Variants in FOXN3 observed in about 807,000 individuals in gnomAD.
The protein encoded by FOXN3 is forkhead box protein N3.
A neutral mutation model predicts 38.4 loss-of-function variants in FOXN3; 7 were observed. The observed-to-expected ratio is 0.18, with a 90% CI of 0.10 to 0.34. The LOEUF (loss-of-function observed/expected upper bound fraction) is 0.34, where lower values mean the gene tolerates loss of function less well. Ranked by LOEUF, FOXN3 falls within the 10% of genes least tolerant of loss-of-function variation. FOXN3 has a pLI of 1.00. For missense variants in FOXN3, 456 were observed against 613.4 expected, an observed-to-expected ratio of 0.74 and a Z score of 2.71; for synonymous variants, 230 against 242.2, an observed-to-expected ratio of 0.95 and a Z score of 0.47.
chr14:89,551,559 T>G (rs1412939512), intron 1 of FOXN3, among the ~76,000 whole-genome samples: 4 of 152,020 alleles, frequency 2.6e-5, no homozygotes, highest in Non-Finnish European at 5.9e-5. Flanking sequence ...TCTTTTCCCA[T>G]GAGAAGCCAG....
chr14:89,203,085 T>TGG (rs144245617), intron 4 of FOXN3, among the ~76,000 whole-genome samples: 1 of 29,116 alleles, frequency 3.4e-5, no homozygotes, highest in African/African-American at 1.4e-4. Context: ...CCAGGGAATG[T>TGG]GGGGGGGGTG....
At chr14:89,421,846 G>A (rs141969497), upstream of FOXN3, among the ~76,000 whole-genome samples, 521 of 151,114 alleles carry the variant, frequency 3.4e-3, 4 homozygotes, top group African/African-American at 0.012. Flanking sequence ...TTTTCAAATG[G>A]TCTACAATAA....
intron 3 of FOXN3, among the ~76,000 whole-genome samples, chr14:89,299,454 C>T (rs982774346): frequency 1.3e-5 from 2 of 152,192 alleles, no homozygotes; most frequent in Non-Finnish European, 2.9e-5. Context: ...AGCATGAGAA[C>T]AGACTAATTC....
At chr14:89,381,249 G>A (rs10484022) in intron 2 of FOXN3, among the ~76,000 whole-genome samples, 63,655 of 150,894 alleles carry the variant, frequency 0.42, 14,710 homozygotes, top group Admixed American at 0.56. Flanking sequence ...GTCATCTTCA[G>A]ATATTATTGA....
chr14:89,579,348 G>A (rs754023310), intron 1 of FOXN3, among the ~76,000 whole-genome samples: 19 of 150,092 alleles, frequency 1.3e-4, no homozygotes, highest in Non-Finnish European at 1.2e-4. Flanking sequence ...TAGAGACGGG[G>A]TCTCACTATG....
chr14:89,422,382 C>A (rs1030186768), intron 1 of FOXN3, among the ~76,000 whole-genome samples: 3 of 152,074 alleles, frequency 2.0e-5, no homozygotes, highest in Admixed American at 2.0e-4. Context: ...GTCTGTGGAC[C>A]CACTTCAAGA....
intron 4 of FOXN3, among the ~76,000 whole-genome samples, chr14:89,240,208 C>A (rs763496470): frequency 2.0e-5 from 3 of 151,970 alleles, no homozygotes; most frequent in Admixed American, 6.5e-5. Flanking sequence ...TCACTTTCCC[C>A]AGAACTGACC....
intron 2 of FOXN3, among the ~76,000 whole-genome samples, chr14:89,406,576 AG>A (rs2140092586): frequency 6.6e-6 from 1 of 152,346 alleles, no homozygotes; most frequent in East Asian, 1.9e-4. Context: ...AGAAAATAAT[AG>A]GGCCTACTTC....
chr14:89,314,990 C>G (rs2139964561), intron 3 of FOXN3, among the ~76,000 whole-genome samples: 1 of 152,156 alleles, frequency 6.6e-6, no homozygotes, highest in East Asian at 1.9e-4. Flanking sequence ...TAAAGGTCAC[C>G]TCCCCAGTAA....
At chr14:89,306,006 G>T (rs909880766) in intron 3 of FOXN3, among the ~76,000 whole-genome samples, 4 of 152,172 alleles carry the variant, frequency 2.6e-5, no homozygotes, top group African/African-American at 9.7e-5. Flanking sequence ...ATATATATTT[G>T]CAAAGAAATT....
chr14:89,280,451 C>T (rs192227653), intron 4 of FOXN3, among the ~76,000 whole-genome samples: 41 of 152,168 alleles, frequency 2.7e-4, no homozygotes, highest in African/African-American at 7.7e-4. Flanking sequence ...GACTGGACTC[C>T]GAACCTCAGA....
intron 4 of FOXN3, among the ~76,000 whole-genome samples, chr14:89,250,137 G>T (rs1279214666): frequency 2.0e-5 from 3 of 152,216 alleles, no homozygotes; most frequent in Non-Finnish European, 4.4e-5. Flanking sequence ...TTCAGACAGG[G>T]TCTTGCTCTG....
At chr14:89,328,803 C>A (rs1271515690) in intron 3 of FOXN3, among the ~76,000 whole-genome samples, 1 of 152,198 alleles carries the variant, frequency 6.6e-6, no homozygotes, top group African/African-American at 2.4e-5. Flanking sequence ...ATAACTGACA[C>A]CACGACAAGG....
chr14:89,218,755 T>C (rs1596110273), intron 4 of FOXN3, among the ~76,000 whole-genome samples: 1 of 152,238 alleles, frequency 6.6e-6, no homozygotes, highest in Non-Finnish European at 1.5e-5. Flanking sequence ...GCTGCTTTTC[T>C]AGGGAAAGTG....
At chr14:89,507,275 G>A (rs1022543842) in intron 1 of FOXN3, among the ~76,000 whole-genome samples, 4 of 152,176 alleles carry the variant, frequency 2.6e-5, no homozygotes, top group African/African-American at 9.7e-5. Context: ...TAAGCATTGG[G>A]CTAATCTGGA....
At chr14:89,371,650 A>T (rs1890322077) in intron 2 of FOXN3, among the ~76,000 whole-genome samples, 1 of 151,796 alleles carries the variant, frequency 6.6e-6, no homozygotes, top group Non-Finnish European at 1.5e-5. Flanking sequence ...GCCCCAGGAG[A>T]CTGACATTTA....
In FOXN3 at chr14:89,511,182, TTTCTTTCTTTTC is replaced by T. The variant is rs1596303057; in HGVS notation, c.-14-98704_-14-98693del. 9.3e-4 allele frequency among the ~76,000 whole-genome samples: 21 copies of T among 22,514 alleles called. 6 individuals are homozygous for T. Among genetic ancestry groups the T allele is most frequent in the Non-Finnish European group, 3.9e-3 (15 of 3,890 alleles). The allele number at this position is 22,514 out of a possible 152,430, so 14.8% of individuals were successfully genotyped here. ...CTTTCTTTCTTTCTTTCTTTCTTTC[TTTCTTTCTTTTC>T]TTTCTTTCTTTTCTTTCTTTCTTTC... On this transcript the variant is annotated intron_variant, in intron 1 of 6. Coordinates refer to the FOXN3 transcript ENST00000345097.
intron 4 of FOXN3, among the ~76,000 whole-genome samples, chr14:89,228,896 A>G (rs1193309443): frequency 6.6e-6 from 1 of 152,206 alleles, no homozygotes; most frequent in Non-Finnish European, 1.5e-5. Context: ...GGAGGAAGTT[A>G]CCTTATTTCT....
At chr14:89,241,604 T>G (rs1013858894) in intron 4 of FOXN3, among the ~76,000 whole-genome samples, 50 of 152,240 alleles carry the variant, frequency 3.3e-4, no homozygotes, top group Non-Finnish European at 2.9e-5. Flanking sequence ...CTGCTGGTTC[T>G]GTGGAAACAG....
Sources: gnomAD v4.1 joint callset for allele counts (sites outside exome capture counted in the v4.1 genomes callset) on GRCh38, gnomAD v4.1.1 for gene constraint, MANE v1.5 for transcripts, NCBI Gene and HGNC (gene_info 2026-07-23, HGNC 2026-07-21) for gene names.